KTN1: variants seen among roughly 807,000 people sequenced by gnomAD.
The protein encoded by KTN1 is kinectin.
A neutral mutation model predicts 222.5 loss-of-function variants in KTN1; 130 were observed. The ratio of observed to expected loss-of-function variants is 0.58; its 90% CI spans 0.51 to 0.68. KTN1 has a LOEUF of 0.68. KTN1 is among the 30% of genes least tolerant of loss of function. The pLI is 0.00. For missense variants in KTN1, 1,508 were observed against 1,500.4 expected, an observed-to-expected ratio of 1.01 and a Z score of -0.08; for synonymous variants, 512 against 496.3, an observed-to-expected ratio of 1.03 and a Z score of -0.42.
chr14:55,639,984 G>A lies in KTN1; in HGVS notation c.1895G>A (p.Ser632Asn), dbSNP rs375766865. Residue 632 changes from serine to asparagine, a missense_variant, in exon 14 of 44, where the codon AGT becomes AAT. Coordinates refer to ENST00000395314, the MANE Select transcript of KTN1 (RefSeq NM_001079521.2). The stretch of plus-strand genomic sequence containing the variant: ...GCAAGTGAACGTGATCGTTTAACAA[G>A]TAAAGAAGAGGAACTTAAGGTATAG... ...SLASERDRLT[S>N]KEEELKDIQN... The A allele has an allele frequency of 1.7e-5, 27 of 1,598,872 alleles. No individual in the cohort carries two copies. The highest frequency in any genetic ancestry group is 2.1e-5 in the Non-Finnish European group (25 of 1,167,082).
At chr14:55,620,285 G>T (rs986639300) in intron 5 of KTN1, among the ~76,000 whole-genome samples, 4 of 152,162 alleles carry the variant, frequency 2.6e-5, no homozygotes, top group African/African-American at 9.7e-5. Context: ...TTGAGGGTCT[G>T]TGGCTTTTCC....
chr14:55,677,926 G>A (rs1053245736), intron 41 of KTN1, among the ~76,000 whole-genome samples: 31 of 152,284 alleles, frequency 2.0e-4, no homozygotes, highest in African/African-American at 7.2e-4. Context: ...TCGAACTCCC[G>A]ACCTCAGGTG....
chr14:55,592,944 G>A (rs1222156299), intron 1 of KTN1, among the ~76,000 whole-genome samples: 1 of 151,936 alleles, frequency 6.6e-6, no homozygotes, highest in Non-Finnish European at 1.5e-5. Context: ...ACCTGTCTTG[G>A]AGGCTAAGTT....
intron 18 of KTN1, among the ~76,000 whole-genome samples, chr14:55,646,209 T>G (rs967096078): frequency 6.6e-6 from 1 of 152,204 alleles, no homozygotes. Flanking sequence ...TAGAATGTAT[T>G]CCTGTTGCTT....
chr14:55,671,168 A>C (rs1245106229), intron 35 of KTN1: 1 of 237,320 alleles, frequency 4.2e-6, no homozygotes, highest in African/African-American at 2.3e-5. Flanking sequence ...CATTAGAGGT[A>C]TTTAGAAACT....
intron 1 of KTN1, among the ~76,000 whole-genome samples, chr14:55,580,650 C>T (rs2031213120): frequency 6.6e-6 from 1 of 151,992 alleles, no homozygotes. Context: ...GGCCGAGGGA[C>T]ACCCCCCACC....
In KTN1 at chr14:55,633,293, G is replaced by A; in HGVS notation, c.1280G>A (p.Gly427Asp). 1 of 1,597,868 alleles carries A rather than the reference G, an allele frequency of 6.3e-7. No individual in the cohort carries two copies. The highest frequency in any genetic ancestry group is 1.7e-5 in the Admixed American group (1 of 57,640). Residue 427 changes from glycine (G) to aspartate (D), a missense_variant, in exon 8 of 44, where the codon GGT becomes GAT. By Grantham distance (94) the Gly-to-Asp change is moderately conservative. Coordinates refer to ENST00000395314, the MANE Select transcript of KTN1 (RefSeq NM_001079521.2). The stretch of plus-strand genomic sequence containing the variant: ...ATAGCTCACTTGAAGCAGGAAAATG[G>A]TATACTGAGAGATGCAGTCAGCAAC... Reference protein sequence around the residue: ...AEIAHLKQENGILRDAVSNTT... With the variant: ...AEIAHLKQENDILRDAVSNTT...
intron 1 of KTN1, among the ~76,000 whole-genome samples, chr14:55,607,659 G>T (rs1287280601): frequency 1.3e-5 from 2 of 152,154 alleles, no homozygotes; most frequent in Non-Finnish European, 2.9e-5. Context: ...GCCACCACTG[G>T]CTGTTTATTG....
chr14:55,596,865 G>A (rs1432746432), intron 1 of KTN1, among the ~76,000 whole-genome samples: 2 of 150,630 alleles, frequency 1.3e-5, no homozygotes, highest in East Asian at 1.9e-4. Flanking sequence ...ATATATCAAA[G>A]CTACACTTAT....
intron 1 of KTN1, among the ~76,000 whole-genome samples, chr14:55,587,590 G>A (rs544622166): frequency 5.9e-5 from 9 of 152,238 alleles, no homozygotes; most frequent in South Asian, 4.1e-4. Flanking sequence ...ATTCACTTAC[G>A]TGCCACCAAC....
chr14:55,593,754 T>TC (rs2034561251), intron 1 of KTN1, among the ~76,000 whole-genome samples: 1 of 152,294 alleles, frequency 6.6e-6, no homozygotes, highest in East Asian at 1.9e-4. Context: ...CTTTTTTTTT[T>TC]CTCCAGGCTT....
intron 1 of KTN1, among the ~76,000 whole-genome samples, chr14:55,596,356 A>G (rs1487755213): frequency 6.6e-6 from 1 of 152,030 alleles, no homozygotes; most frequent in East Asian, 1.9e-4. Flanking sequence ...GCATTTTCTA[A>G]TAGTGAGGAA....
chr14:55,679,650 A>G lies in KTN1; in HGVS notation c.4034A>G (p.Gln1345Arg), dbSNP rs1209444426. Residue 1345 changes from glutamine (Q) to arginine (R), a missense_variant, in exon 43 of 44, where the codon CAG (glutamine) becomes CGG (arginine). Gln to Arg is a conservative substitution (Grantham distance 43). Coordinates refer to ENST00000395314, the MANE Select transcript of KTN1 (RefSeq NM_001079521.2). The part of the protein sequence containing the change: ...LQQLLQAVNQ[Q>R]LTKEKEHYQV... Reference sequence around the variant, plus strand: ...CAGTTGCTTCAGGCGGTAAACCAACAGCTCACAAAGGAGAAAGAGCACTAC... The same window carrying G: ...CAGTTGCTTCAGGCGGTAAACCAACGGCTCACAAAGGAGAAAGAGCACTAC... The G allele has an allele frequency of 3.1e-6, 5 of 1,613,984 alleles. No individual in the cohort carries two copies. The highest frequency in any genetic ancestry group is 4.2e-6 in the Non-Finnish European group (5 of 1,179,820).
chr14:55,675,641 C>T lies in KTN1; in HGVS notation c.3772-194C>T, dbSNP rs185763045. 2.0e-4 allele frequency: 86 copies of T among 420,834 alleles called. No individual in the cohort carries two copies. The East Asian group carries it at 2.2e-3, about 11-fold the overall frequency. 26.1% of individuals were successfully genotyped at this position (420,834 alleles called of 1,614,324 possible). On this transcript the variant is annotated intron_variant, in intron 40 of 43. Transcript: ENST00000395314. ...TCTAAACTGTAGTTCATTTCTGTGGCTTTTCTTATGTTTAGCTTTACAGAT... is the reference window on the plus strand; with the variant it reads ...TCTAAACTGTAGTTCATTTCTGTGGTTTTTCTTATGTTTAGCTTTACAGAT...
chr14:55,670,858 G>A, intron 35 of KTN1, 49 bp downstream of exon 35: 2 of 1,275,040 alleles, frequency 1.6e-6, no homozygotes, highest in South Asian at 1.3e-5. Flanking sequence ...GAAAAAAGAA[G>A]CAAATAAGAT....
At chr14:55,582,027 CAT>C (rs1277386973) in intron 1 of KTN1, among the ~76,000 whole-genome samples, 2 of 151,954 alleles carry the variant, frequency 1.3e-5, no homozygotes, top group Non-Finnish European at 1.5e-5. Context: ...CTTCATCAGA[CAT>C]AACAATACCT....
intron 29 of KTN1, among the ~76,000 whole-genome samples, chr14:55,657,526 T>C (rs191991255): frequency 1.5e-4 from 23 of 152,240 alleles, no homozygotes; most frequent in South Asian, 8.3e-4. Context: ...GTTTTTCCCC[T>C]TTTTGGGAAA....
chr14:55,583,448 A>G (rs1273079517), intron 1 of KTN1, among the ~76,000 whole-genome samples: 2 of 152,236 alleles, frequency 1.3e-5, no homozygotes, highest in African/African-American at 4.8e-5. Context: ...GTATTTTACG[A>G]ATCGTCCTAG....
intron 1 of KTN1, among the ~76,000 whole-genome samples, chr14:55,590,040 T>C (rs1385259136): frequency 2.6e-5 from 4 of 152,174 alleles, no homozygotes; most frequent in Non-Finnish European, 4.4e-5. Flanking sequence ...AACCTAGATA[T>C]TTTCTGTAAA....
Sources: allele counts gnomAD v4.1 joint callset (sites outside exome capture counted in the v4.1 genomes callset), GRCh38; gene constraint gnomAD v4.1.1; transcripts MANE v1.5; gene names NCBI Gene and HGNC (gene_info 2026-07-23, HGNC 2026-07-21).